RASGRP2: variants seen among roughly 807,000 people sequenced by gnomAD.
RASGRP2 encodes the protein RAS guanyl-releasing protein 2.
RASGRP2 carries 44 observed loss-of-function variants against 71.0 expected under a neutral mutation model. The observed-to-expected ratio is 0.62, with a 90% confidence interval of 0.49 to 0.80. The LOEUF is 0.80. RASGRP2 is among the 30% of genes least tolerant of loss of function. The pLI, the probability that RASGRP2 is intolerant of heterozygous loss-of-function variation, is 0.00. For synonymous variants in RASGRP2, 350 were observed against 330.7 expected, an observed-to-expected ratio of 1.06 and a Z score of -0.63; for missense variants, 663 against 813.4, an observed-to-expected ratio of 0.82 and a Z score of 2.25.
rs1285984765 is a variant in RASGRP2, at chr11:64,743,092, T to A, written c.-71-155A>T. 1.2e-6 allele frequency: 1 copy of A among 844,646 alleles called. No individual in the cohort carries two copies. 52.3% of individuals were successfully genotyped at this position (844,646 alleles called of 1,614,324 possible). On this transcript the variant is annotated intron_variant, in intron 1 of 16. Transcript: ENST00000394432. This position sits in a 1 kb window ranked among gnomAD's most constrained non-coding sequence, Gnocchi z 4.9. ...CGGGGTTAAACGGTCTGGCCCGGGA[T>A]GGTGCAACCCGCCAGTTGGGAAACG...
rs2058062655 is a variant in RASGRP2, at chr11:64,739,830, C to T, written c.523-21G>A. On this transcript the variant is annotated intron_variant, in intron 6 of 16. Coordinates refer to ENST00000394432, the MANE Select transcript of RASGRP2 (RefSeq NM_001098671.2). The surrounding 1 kb of genome is among the most constrained non-coding windows in gnomAD (Gnocchi z 4.2). ...TGAAACTGGGGGCATGAGGAGTGGCCTCAGCACCTTGCTGGCCTCTCCCCT... is the reference window on the plus strand; with the variant it reads ...TGAAACTGGGGGCATGAGGAGTGGCTTCAGCACCTTGCTGGCCTCTCCCCT... 6.2e-7 allele frequency: 1 copy of T among 1,613,164 alleles called. No individual in the cohort carries two copies. Among genetic ancestry groups the T allele is most frequent in the African/African-American group, 1.3e-5 (1 of 74,860 alleles).
intron 5 of RASGRP2, chr11:64,740,392 G>A (rs1193773656): frequency 1.3e-5 from 9 of 692,354 alleles, no homozygotes; most frequent in African/African-American, 3.5e-5. Context: ...TGTGCTAGGC[G>A]CTGGGAATAC....
Position 64,736,538 on chromosome 11 carries a change from C to T in RASGRP2, c.1095+215G>A, listed in dbSNP as rs115462603. 4.6e-3 allele frequency among the ~76,000 whole-genome samples: 695 copies of T among 152,350 alleles called. 2 individuals are homozygous for T. Among genetic ancestry groups the T allele is most frequent in the African/African-American group, 0.015 (643 of 41,584 alleles). On this transcript the variant is annotated intron_variant, in intron 9 of 16. Coordinates refer to ENST00000394432, the MANE Select transcript of RASGRP2 (RefSeq NM_001098671.2). ...ACCCAGGCCCAGTTCAAACTGCCCACAGTCCACATACCAGCCTGGAGATCA... is the reference window on the plus strand; with the variant it reads ...ACCCAGGCCCAGTTCAAACTGCCCATAGTCCACATACCAGCCTGGAGATCA...
At position 64,735,641 on chromosome 11, in the gene RASGRP2, G is replaced by A; in HGVS notation, c.1197C>T (p.Thr399=). 6.2e-7 allele frequency: 1 copy of A among 1,613,220 alleles called. No homozygotes were observed. Among genetic ancestry groups the A allele is most frequent in the Non-Finnish European group, 8.5e-7 (1 of 1,179,732 alleles). Residue 399 remains threonine, a synonymous_variant, in exon 11 of 17, where the codon ACC becomes ACT. Transcript: ENST00000394432. This position sits in a 1 kb window ranked among gnomAD's most constrained non-coding sequence, Gnocchi z 4.2. Reference sequence around the variant, plus strand: ...CCAGTACCGGGGGCCGGGGTGGTGGGGTGCAACTCGTGGGGCTGGTTGGCT... The same window carrying A: ...CCAGTACCGGGGGCCGGGGTGGTGGAGTGCAACTCGTGGGGCTGGTTGGCT... ...KSSPTSPTSC[T]PPPRPPVLEE...
chr11:64,740,731 A>G, intron 5 of RASGRP2: 1 of 690,448 alleles, frequency 1.4e-6, no homozygotes, highest in Non-Finnish European at 2.6e-6. Context: ...GCGCAGCTAC[A>G]GGAGGAGGTG....
In RASGRP2 at chr11:64,742,991, C is replaced by A; in HGVS notation, c.-71-54G>T. 1 of 1,503,596 alleles carries A rather than the reference C, an allele frequency of 6.7e-7. No homozygotes were observed. The highest frequency in any genetic ancestry group is 8.9e-7 in the Non-Finnish European group (1 of 1,129,782). 93.1% of individuals were successfully genotyped at this position (1,503,596 alleles called of 1,614,324 possible). ...TGCGGAGTCGCGGGCGGGGGAGCGG[C>A]CCCGCGGGCAGAAACGGGGCGGGGC... On this transcript the variant is annotated intron_variant, in intron 1 of 16. Transcript: ENST00000394432. The surrounding 1 kb of genome is among the most constrained non-coding windows in gnomAD (Gnocchi z 4.7).
intron 3 of RASGRP2, among the ~76,000 whole-genome samples, 199 bp downstream of exon 3, chr11:64,741,811 G>A (rs2058132797): frequency 6.6e-6 from 1 of 152,178 alleles, no homozygotes; most frequent in Non-Finnish European, 1.5e-5. Context: ...TGGGGACAGA[G>A]CCTGGGGACA....
At chr11:64,730,344 G>A (rs2057725803) in intron 12 of RASGRP2, 150 bp from the exon 13 acceptor site, 3 of 987,420 alleles carry the variant, frequency 3.0e-6, no homozygotes, top group African/African-American at 1.6e-5. Flanking sequence ...ACTGGACTAG[G>A]GGTCAGGCAG....
In RASGRP2 at chr11:64,739,737, G is replaced by T. The variant is rs765607002; in HGVS notation, c.595C>A (p.Leu199Ile). ...ACCCACTGTGAGACGCTGTTGAAGA[G>T]GGAGATGAACCGCTCCAGGACGGGG... Reference protein sequence around the residue: ...DNPVLERFISLFNSVSQWVQL... With the variant: ...DNPVLERFISIFNSVSQWVQL... Residue 199 changes from leucine (L) to isoleucine (I), a missense_variant, in exon 7 of 17, where the codon CTC becomes ATC. Leu to Ile is a conservative substitution (Grantham distance 5, BLOSUM62 2). Coordinates refer to ENST00000394432, the MANE Select transcript of RASGRP2 (RefSeq NM_001098671.2). This position sits in a 1 kb window ranked among gnomAD's most constrained non-coding sequence, Gnocchi z 4.2. 6.2e-7 allele frequency: 1 copy of T among 1,613,950 alleles called. No individual in the cohort carries two copies. Among genetic ancestry groups the T allele is most frequent in the Non-Finnish European group, 8.5e-7 (1 of 1,179,946 alleles).
At position 64,743,540 on chromosome 11, in the gene RASGRP2, G is replaced by A. The variant is rs1056492323; in HGVS notation, c.-72+463C>T. 1 of 339,470 alleles carries A rather than the reference G, an allele frequency of 2.9e-6. No individual in the cohort carries two copies. Among genetic ancestry groups the A allele is most frequent in the South Asian group, 2.1e-5 (1 of 47,272 alleles). The allele number at this position is 339,470 out of a possible 1,614,324, so 21.0% of individuals were successfully genotyped here. On this transcript the variant is annotated intron_variant, in intron 1 of 16. Coordinates refer to ENST00000394432, the MANE Select transcript of RASGRP2 (RefSeq NM_001098671.2). This position sits in a 1 kb window ranked among gnomAD's most constrained non-coding sequence, Gnocchi z 4.9. The stretch of plus-strand genomic sequence containing the variant: ...GGAGAGGAACATTCCTGGGGCGGGG[G>A]GAGCCCGCTGCGGCCAGGAGGCGTC...
intron 4 of RASGRP2, 149 bp downstream of exon 4, chr11:64,741,290 G>A: frequency 1.9e-6 from 2 of 1,071,632 alleles, no homozygotes; most frequent in Non-Finnish European, 2.8e-6. Flanking sequence ...ACCCAGGAAG[G>A]GGTGAGCCTG....
chr11:64,738,586 C>T (rs564033268), intron 8 of RASGRP2, among the ~76,000 whole-genome samples: 3 of 151,992 alleles, frequency 2.0e-5, no homozygotes, highest in Admixed American at 2.0e-4. Flanking sequence ...ATTCCAGGTG[C>T]GTGCCACCAT....
chr11:64,733,103 C>A (rs1309254313), intron 12 of RASGRP2, among the ~76,000 whole-genome samples: 3 of 148,880 alleles, frequency 2.0e-5, no homozygotes, highest in Non-Finnish European at 4.5e-5. Context: ...CCAGCCTGAG[C>A]GACAGAGTGA....
chr11:64,728,950 G>T lies in RASGRP2; in HGVS notation c.1684C>A (p.Pro562Thr). The T allele has an allele frequency of 1.2e-6, 2 of 1,612,468 alleles. No individual in the cohort carries two copies. The highest frequency in any genetic ancestry group is 1.1e-5 in the South Asian group (1 of 91,044). Residue 562 changes from proline to threonine, a missense_variant, in exon 15 of 17, where the codon CCC becomes ACC. By Grantham distance (38) the Pro-to-Thr change is conservative. Coordinates refer to ENST00000394432, the MANE Select transcript of RASGRP2 (RefSeq NM_001098671.2). ...AQSVSLEGSA[P>T]SPSPMHSHHH... ...TGGCTGTGCATGGGTGAGGGTGAGG[G>T]TGCAGACCCCTCCAGGCTCACACTC...
intron 13 of RASGRP2, 78 bp downstream of exon 13, chr11:64,729,975 A>AGGCGGGGCCAGAAGGGAG (rs2057708814): frequency 6.8e-7 from 1 of 1,467,360 alleles, no homozygotes; most frequent in Non-Finnish European, 9.2e-7. Context: ...GCTCTGGCAG[A>AGGCGGGGCCAGAAGGGAG]GGCGGGGCCA....
rs1479040149 is a variant in RASGRP2, at chr11:64,743,078, G to T, written c.-71-141C>A. On this transcript the variant is annotated intron_variant, in intron 1 of 16. Transcript: ENST00000394432. The surrounding 1 kb of genome is among the most constrained non-coding windows in gnomAD (Gnocchi z 4.9). Reference sequence around the variant, plus strand: ...CCCGCGGCCACTCCCGGGGTTAAACGGTCTGGCCCGGGATGGTGCAACCCG... The same window carrying T: ...CCCGCGGCCACTCCCGGGGTTAAACTGTCTGGCCCGGGATGGTGCAACCCG... 1.1e-6 allele frequency: 1 copy of T among 946,270 alleles called. No homozygotes were observed. Among genetic ancestry groups the T allele is most frequent in the Admixed American group, 2.0e-5 (1 of 49,844 alleles). 58.6% of individuals were successfully genotyped at this position (946,270 alleles called of 1,614,324 possible).
intron 15 of RASGRP2, 134 bp downstream of exon 15, chr11:64,728,729 G>A (rs541060824): frequency 8.6e-5 from 90 of 1,050,520 alleles, no homozygotes; most frequent in African/African-American, 5.2e-4. Context: ...CACCGCGCCC[G>A]GCCTGTCCCT....
At chr11:64,741,799 GCTGGGGACAGAGC>G (rs2058132615) in intron 3 of RASGRP2, among the ~76,000 whole-genome samples, 198 bp downstream of exon 3, 1 of 152,192 alleles carries the variant, frequency 6.6e-6, no homozygotes, top group Admixed American at 6.5e-5. Flanking sequence ...CAAGGCCTCG[GCTGGGGACAGAGC>G]CTGGGGACAG....
chr11:64,739,007 G>A lies in RASGRP2; in HGVS notation c.813+353C>T, dbSNP rs946509222. Among the ~76,000 whole-genome samples, 26 of 151,460 alleles carry A rather than the reference G, an allele frequency of 1.7e-4. No homozygotes were observed. The highest frequency in any genetic ancestry group is 8.4e-4 in the South Asian group (4 of 4,782). ...CAATACAAAAATTAGGCATGGTGGC[G>A]TACACCTGTAGTCCCAGCTACTCAG... On this transcript the variant is annotated intron_variant, in intron 8 of 16. Transcript: ENST00000394432. This position sits in a 1 kb window ranked among gnomAD's most constrained non-coding sequence, Gnocchi z 4.2.
Sources: gnomAD v4.1 joint callset for allele counts (sites outside exome capture counted in the v4.1 genomes callset) on GRCh38, gnomAD v4.1.1 for gene constraint, Gnocchi (gnomAD v3.1) non-coding constraint, MANE v1.5 for transcripts, NCBI Gene and HGNC (gene_info 2026-07-23, HGNC 2026-07-21) for gene names.